RUVBL1: variants seen among roughly 807,000 people sequenced by gnomAD.
The protein encoded by RUVBL1 is RuvB like AAA ATPase 1, also known as ruvB-like 1.
A neutral mutation model predicts 52.4 loss-of-function variants in RUVBL1; 4 were observed. The observed-to-expected ratio is 0.08, with a 90% CI of 0.04 to 0.17. The LOEUF (loss-of-function observed/expected upper bound fraction) is 0.17. RUVBL1 is among the 10% of genes least tolerant of loss of function. RUVBL1 has a pLI of 1.00. For missense variants in RUVBL1, 298 were observed against 572.8 expected (o/e 0.52, Z 4.90); for synonymous variants, 217 against 214.4 (o/e 1.01, Z -0.10).
intron 1 of RUVBL1, among the ~76,000 whole-genome samples, chr3:128,144,031 T>A (rs1944068906): frequency 6.6e-6 from 1 of 152,194 alleles, no homozygotes; most frequent in East Asian, 1.9e-4. Flanking sequence ...GAGGAGTTCT[T>A]GCCACTATAT....
At chr3:128,065,146 G>C (rs769076533) in exon 10 of RUVBL1, 1 of 1,191,810 alleles carries the variant, frequency 8.4e-7, no homozygotes, top group Non-Finnish European at 1.3e-6. Flanking sequence ...ATATTGTGTT[G>C]AAACGATGAG....
chr3:128,150,782 A>C (rs1260209310), intron 1 of RUVBL1, among the ~76,000 whole-genome samples: 51 of 94,752 alleles, frequency 5.4e-4, no homozygotes, highest in African/African-American at 1.1e-3. Context: ...TATATATTCT[A>C]TATATATTCT....
rs1942482757 is a variant in RUVBL1, at chr3:128,081,783, G to C, written c.1212-374C>G. On this transcript the variant is annotated intron_variant, in intron 10 of 10. Coordinates refer to ENST00000322623, the MANE Select transcript of RUVBL1 (RefSeq NM_003707.3). The surrounding 1 kb of genome is among the most constrained non-coding windows in gnomAD (Gnocchi z 4.8). The stretch of plus-strand genomic sequence containing the variant: ...CAGGGAAATGAAAACATAGCCAGCT[G>C]GAAGTACATGCCCATCCAAAGGCAT... 1 of 186,042 alleles carries C rather than the reference G, an allele frequency of 5.4e-6. No individual in the cohort carries two copies. Among genetic ancestry groups the C allele is most frequent in the Non-Finnish European group, 1.1e-5 (1 of 88,560 alleles). The allele number at this position is 186,042 out of a possible 1,614,324, so 11.5% of individuals were successfully genotyped here.
In RUVBL1 at chr3:128,081,588, T is replaced by C; in HGVS notation, c.1212-179A>G. The C allele has an allele frequency of 4.7e-6, 3 of 639,968 alleles. No homozygotes were observed. In the East Asian group the frequency reaches 8.3e-5, roughly 18 times the overall value. The allele number at this position is 639,968 out of a possible 1,614,324, so 39.6% of individuals were successfully genotyped here. On this transcript the variant is annotated intron_variant, in intron 10 of 10. Coordinates refer to ENST00000322623, the MANE Select transcript of RUVBL1 (RefSeq NM_003707.3). This position sits in a 1 kb window ranked among gnomAD's most constrained non-coding sequence, Gnocchi z 4.8. ...GTCACTTCTCAGAGAGCTGCAGTCA[T>C]TATCCCATCAGAGAGGGTCCAGGAG...
chr3:128,144,996 G>A (rs905503109), intron 1 of RUVBL1, among the ~76,000 whole-genome samples: 2 of 152,142 alleles, frequency 1.3e-5, no homozygotes, highest in African/African-American at 4.8e-5. Context: ...GTCATTGTGA[G>A]GGGGGAGCCT....
chr3:128,113,538 T>C (rs901261093), intron 2 of RUVBL1, among the ~76,000 whole-genome samples: 1 of 152,248 alleles, frequency 6.6e-6, no homozygotes, highest in African/African-American at 2.4e-5. Flanking sequence ...ATATAACCTA[T>C]GCACATCCTC....
intron 9 of RUVBL1, chr3:128,068,170 C>T (rs564260055): frequency 7.8e-6 from 6 of 768,152 alleles, no homozygotes; most frequent in Admixed American, 4.6e-5. Context: ...AAATCTTATC[C>T]TTGGGTTACA....
intron 9 of RUVBL1, among the ~76,000 whole-genome samples, chr3:128,086,476 CCA>C (rs1942649377): frequency 1.3e-5 from 2 of 152,238 alleles, no homozygotes; most frequent in Admixed American, 6.5e-5. Context: ...CACTGCAGCC[CCA>C]GTCTGCTCAG....
upstream of RUVBL1, among the ~76,000 whole-genome samples, chr3:128,124,404 T>C (rs576893344): frequency 1.6e-4 from 25 of 151,712 alleles, no homozygotes; most frequent in African/African-American, 6.0e-4. Context: ...TAATTACGCA[T>C]GCAGCTACAA....
Position 128,067,528 on chromosome 3 carries a change from A to C in RUVBL1, c.940-2308T>G. On this transcript the variant is annotated intron_variant, in intron 9 of 9. Coordinates refer to the RUVBL1 transcript ENST00000464873. The surrounding 1 kb of genome is among the most constrained non-coding windows in gnomAD (Gnocchi z 4.1). The stretch of plus-strand genomic sequence containing the variant: ...CCGTGTTAGAAGACCCGGTCCATGC[A>C]GTTGTATACATAGTGTTCATGCTGG... The C allele has an allele frequency of 6.2e-7, 1 of 1,614,152 alleles. No individual in the cohort carries two copies. The highest frequency in any genetic ancestry group is 8.5e-7 in the Non-Finnish European group (1 of 1,180,022).
intron 4 of RUVBL1, among the ~76,000 whole-genome samples, chr3:128,101,862 T>C (rs1576458512): frequency 1.3e-5 from 2 of 151,604 alleles, no homozygotes; most frequent in Non-Finnish European, 1.5e-5. Flanking sequence ...AGGGAGAAAA[T>C]AGGGGGGCCA....
Position 128,097,054 on chromosome 3 carries a change from C to A in RUVBL1, c.1016+246G>T, listed in dbSNP as rs115897410. The stretch of plus-strand genomic sequence containing the variant: ...ACCTTTGTACACTCCAATTGAACGA[C>A]CAAATTGTAGTATCACACCCAAAAG... On this transcript the variant is annotated intron_variant, in intron 8 of 10. Coordinates refer to ENST00000322623, the MANE Select transcript of RUVBL1 (RefSeq NM_003707.3). 5.5e-3 allele frequency among the ~76,000 whole-genome samples: 830 copies of A among 152,248 alleles called. 8 individuals are homozygous for A. Among genetic ancestry groups the A allele is most frequent in the African/African-American group, 0.019 (789 of 41,546 alleles).
intron 9 of RUVBL1, chr3:128,085,020 C>T (rs1332684856): frequency 6.6e-6 from 1 of 152,394 alleles, no homozygotes; most frequent in African/African-American, 2.4e-5. Context: ...AGTGGCAGTC[C>T]TGGCTCTGCT....
In RUVBL1 at chr3:128,123,705, T is replaced by A; in HGVS notation, c.20A>T (p.Lys7Met). Residue 7 changes from lysine (K) to methionine (M), a missense_variant, in exon 1 of 11, where the codon AAG (lysine) becomes ATG (methionine). Physicochemically the swap from Lys to Met is moderately conservative, Grantham distance 95. Transcript: ENST00000322623. MKIEEV[K>M]STTKTQRIAS... ...GATGCGCTGCGTCTTCGTAGTGCTC[T>A]TCACCTCCTCAATCTTCATTTTGCA... 5 of 1,607,082 alleles carry A rather than the reference T, an allele frequency of 3.1e-6. No individual in the cohort carries two copies. Among genetic ancestry groups the A allele is most frequent in the Non-Finnish European group, 4.3e-6 (5 of 1,175,708 alleles).
chr3:128,103,769 T>C (rs1192916678), intron 4 of RUVBL1, among the ~76,000 whole-genome samples: 1 of 152,202 alleles, frequency 6.6e-6, no homozygotes, highest in East Asian at 1.9e-4. Context: ...TGAGGAAAAC[T>C]ATACACACAT....
intron 1 of RUVBL1, among the ~76,000 whole-genome samples, chr3:128,140,507 G>A (rs74439403): frequency 1.3e-5 from 2 of 152,162 alleles, no homozygotes; most frequent in Non-Finnish European, 2.9e-5. Flanking sequence ...GGATAGAGAT[G>A]ATTTTGCTGA....
chr3:128,127,874 G>A (rs555692356), upstream of RUVBL1, among the ~76,000 whole-genome samples: 3 of 152,280 alleles, frequency 2.0e-5, no homozygotes, highest in Non-Finnish European at 4.4e-5. Flanking sequence ...GCACACACCT[G>A]TAGTCCCAGC....
At position 128,082,679 on chromosome 3, in the gene RUVBL1, A is replaced by C. The variant is rs1942515821; in HGVS notation, c.1120-105T>G. Reference sequence around the variant, plus strand: ...CTCAGATTTCTCACTGTGCAGCATAAGAGAAACTGAGACCTGGGTTGGTGG... The same window carrying C: ...CTCAGATTTCTCACTGTGCAGCATACGAGAAACTGAGACCTGGGTTGGTGG... On this transcript the variant is annotated intron_variant, in intron 9 of 10. Transcript: ENST00000322623. This position sits in a 1 kb window ranked among gnomAD's most constrained non-coding sequence, Gnocchi z 4.7. 3.3e-6 allele frequency: 3 copies of C among 907,524 alleles called. No homozygotes were observed. The highest frequency in any genetic ancestry group is 5.0e-6 in the Non-Finnish European group (3 of 604,046). The allele number at this position is 907,524 out of a possible 1,614,324, so 56.2% of individuals were successfully genotyped here.
At chr3:128,068,832 C>T (rs1265197415) in intron 9 of RUVBL1, 1 of 152,612 alleles carries the variant, frequency 6.6e-6, no homozygotes, top group Middle Eastern at 3.4e-3. Flanking sequence ...CACAGACAGA[C>T]AACAGACAAA....
Sources: gnomAD v4.1 joint callset for allele counts (sites outside exome capture counted in the v4.1 genomes callset) on GRCh38, gnomAD v4.1.1 for gene constraint, Gnocchi (gnomAD v3.1) non-coding constraint, MANE v1.5 for transcripts, NCBI Gene and HGNC (gene_info 2026-07-23, HGNC 2026-07-21) for gene names.